SHISAL1: variants seen among roughly 807,000 people sequenced by gnomAD.
The protein encoded by SHISAL1 is shisa like 1, also known as protein shisa-like-1.
In SHISAL1, 9 loss-of-function variants were observed where a neutral mutation model predicts 22.6. The observed-to-expected ratio is 0.40, with a 90% confidence interval of 0.24 to 0.70. The LOEUF is 0.70. Among genes scored for constraint, SHISAL1 ranks in the 30% least tolerant of loss-of-function variants. SHISAL1 has a pLI of 0.39. For synonymous variants in SHISAL1, 119 were observed against 115.4 expected (o/e 1.03, Z -0.20); for missense variants, 246 against 270.6 (o/e 0.91, Z 0.64).
chr22:44,280,205 C>T (rs775641258), intron 4 of SHISAL1, among the ~76,000 whole-genome samples: 2 of 152,086 alleles, frequency 1.3e-5, no homozygotes, highest in African/African-American at 4.8e-5. Context: ...TGTGAATCTG[C>T]AAGGGATTTG....
chr22:44,315,220 T>G (rs2055550575), upstream of SHISAL1, among the ~76,000 whole-genome samples: 2 of 151,198 alleles, frequency 1.3e-5, no homozygotes, highest in Admixed American at 6.6e-5. Context: ...TGGCCTGGAG[T>G]CTGGAAAATA....
chr22:44,256,484 A>G (rs1226141636), intron 4 of SHISAL1, among the ~76,000 whole-genome samples: 1 of 152,118 alleles, frequency 6.6e-6, no homozygotes, highest in Non-Finnish European at 1.5e-5. Context: ...ACATTGACTA[A>G]TACACCATCC....
intron 4 of SHISAL1, among the ~76,000 whole-genome samples, chr22:44,263,174 G>A (rs1213988737): frequency 6.9e-6 from 1 of 145,334 alleles, no homozygotes; most frequent in African/African-American, 2.5e-5. Flanking sequence ...GGGTTCCAGC[G>A]ATTCTCCTGC....
intron 4 of SHISAL1, among the ~76,000 whole-genome samples, chr22:44,264,686 C>G (rs181855851): frequency 1.3e-5 from 2 of 152,192 alleles, no homozygotes; most frequent in African/African-American, 2.4e-5. Flanking sequence ...CAGCAGTTCA[C>G]AAGCTGTGTG....
At position 44,274,794 on chromosome 22, in the gene SHISAL1, G is replaced by A. The variant is rs144286813; in HGVS notation, c.599+10634C>T. Among the ~76,000 whole-genome samples, 12 of 152,290 alleles carry A rather than the reference G, an allele frequency of 7.9e-5. No individual in the cohort carries two copies. The East Asian group carries it at 1.4e-3, about 17-fold the overall frequency. On this transcript the variant is annotated intron_variant, in intron 4 of 4. Transcript: ENST00000381176. ...CCTATCTGTGTGTGAGCGGGATCCCGAGCGGCTTTTCTTTTCCTATTTTTT... is the reference window on the plus strand; with the variant it reads ...CCTATCTGTGTGTGAGCGGGATCCCAAGCGGCTTTTCTTTTCCTATTTTTT...
rs928563905 is a variant in SHISAL1, at chr22:44,310,204, G to A, written c.-33+2547C>T. ...AACCCAGCCCTGCTGAGACCATTTC[G>A]TTTTTGCTCATCTCTATGGGCAGCA... On this transcript the variant is annotated intron_variant, in intron 1 of 4. Coordinates refer to ENST00000381176, the MANE Select transcript of SHISAL1 (RefSeq NM_001099294.2). The surrounding 1 kb of genome is among the most constrained non-coding windows in gnomAD (Gnocchi z 4.0). Among the ~76,000 whole-genome samples, 5 of 152,304 alleles carry A rather than the reference G, an allele frequency of 3.3e-5. No homozygotes were observed. The highest frequency in any genetic ancestry group is 7.2e-5 in the African/African-American group (3 of 41,560).
At chr22:44,303,661 C>A (rs764512988) in intron 1 of SHISAL1, among the ~76,000 whole-genome samples, 3 of 152,184 alleles carry the variant, frequency 2.0e-5, no homozygotes, top group Non-Finnish European at 4.4e-5. Context: ...GTTTGAGGAG[C>A]TTTGCTAGGC....
At chr22:44,305,329 G>A (rs1330263019) in intron 1 of SHISAL1, among the ~76,000 whole-genome samples, 3 of 152,202 alleles carry the variant, frequency 2.0e-5, no homozygotes, top group African/African-American at 7.2e-5. Flanking sequence ...ACAGGCAAGG[G>A]TGCCCAGCAG....
At chr22:44,325,250 A>AG in the SHISAL1 span, among the ~76,000 whole-genome samples, 1 of 151,526 alleles carries the variant, frequency 6.6e-6, no homozygotes, top group East Asian at 1.9e-4. Context: ...CTCAAAAGAA[A>AG]AAAAAAAAAA....
At chr22:44,284,362 A>G (rs1448098672) in intron 4 of SHISAL1, among the ~76,000 whole-genome samples, 3 of 151,894 alleles carry the variant, frequency 2.0e-5, no homozygotes, top group Non-Finnish European at 1.5e-5. Context: ...GAGGGGTGAA[A>G]TCTCATGCCC....
rs1213481761 is a variant in SHISAL1, at chr22:44,269,472, GCGCACACACA to G, written c.599+15946_599+15955del. On this transcript the variant is annotated intron_variant, in intron 4 of 4. Coordinates refer to ENST00000381176, the MANE Select transcript of SHISAL1 (RefSeq NM_001099294.2). ...CATGCCACACAGACGCCCACAACAC[GCGCACACACA>G]CACACACACACTCCATGCCACACCA... is the stretch of plus-strand genomic sequence containing the variant. Among the ~76,000 whole-genome samples, 20 of 136,176 alleles carry G rather than the reference GCGCACACACA, an allele frequency of 1.5e-4. 1 individual carries two copies. The South Asian group carries it at 2.2e-3, about 15-fold the overall frequency. The allele number at this position is 136,176 out of a possible 152,430, so 89.3% of individuals were successfully genotyped here. A position where few individuals can be genotyped will look rare whatever the true frequency, so the allele number is the denominator to read the frequency against.
chr22:44,296,556 C>A (rs565815071), intron 3 of SHISAL1, 116 bp downstream of exon 3: 41 of 826,284 alleles, frequency 5.0e-5, no homozygotes, highest in Non-Finnish European at 7.3e-5. Context: ...TCCTTCCAGG[C>A]CCACCCAACC....
intron 3 of SHISAL1, among the ~76,000 whole-genome samples, chr22:44,288,256 G>C (rs768471451): frequency 6.0e-4 from 92 of 152,324 alleles, no homozygotes; most frequent in Middle Eastern, 3.4e-3. Context: ...AGCAGAATTT[G>C]AACTCAGCAG....
rs2054990601 is a variant in SHISAL1, at chr22:44,245,349, CTG to C, written c.*4334_*4335del. The C allele has an allele frequency of 6.6e-6, 1 of 151,732 alleles. No homozygotes were observed. The highest frequency in any genetic ancestry group is 2.4e-5 in the African/African-American group (1 of 40,864). The allele number at this position is 151,732 out of a possible 1,614,324, so 9.4% of individuals were successfully genotyped here. On this transcript the variant is annotated 3_prime_UTR_variant, in exon 5 of 5. Coordinates refer to ENST00000381176, the MANE Select transcript of SHISAL1 (RefSeq NM_001099294.2). ...CTACCTACCTAGACAGAGTCTCACTCTGTTGCCCAGGCTGGAGTGCACTGGTG... is the reference window on the plus strand; with the variant it reads ...CTACCTACCTAGACAGAGTCTCACTCTTGCCCAGGCTGGAGTGCACTGGTG...
intron 1 of SHISAL1, among the ~76,000 whole-genome samples, 186 bp downstream of exon 1, chr22:44,312,565 C>T (rs1490535625): frequency 6.6e-6 from 1 of 152,192 alleles, no homozygotes; most frequent in African/African-American, 2.4e-5. Context: ...CCCATCTTGC[C>T]CCACTGGCAT....
intron 4 of SHISAL1, among the ~76,000 whole-genome samples, chr22:44,271,341 C>T (rs2055204504): frequency 6.6e-6 from 1 of 152,186 alleles, no homozygotes; most frequent in Admixed American, 6.5e-5. Flanking sequence ...GTGACAGGCT[C>T]AGTCCCAGAG....
chr22:44,259,046 C>T (rs540370183), intron 4 of SHISAL1, among the ~76,000 whole-genome samples: 4 of 152,264 alleles, frequency 2.6e-5, no homozygotes, highest in Middle Eastern at 6.8e-3. Context: ...AGGCTGAAAA[C>T]CTGAGAACAT....
the SHISAL1 span, among the ~76,000 whole-genome samples, chr22:44,322,772 C>T: frequency 6.6e-6 from 1 of 152,306 alleles, no homozygotes; most frequent in Admixed American, 6.5e-5. Context: ...AAGATTCATG[C>T]AGCAAAGAGA....
At chr22:44,289,324 A>C (rs1304991564) in intron 3 of SHISAL1, among the ~76,000 whole-genome samples, 1 of 152,170 alleles carries the variant, frequency 6.6e-6, no homozygotes, top group African/African-American at 2.4e-5. Flanking sequence ...TCCATGGTTT[A>C]ATCTAGGATA....
Sources: allele counts gnomAD v4.1 joint callset (sites outside exome capture counted in the v4.1 genomes callset), GRCh38; gene constraint gnomAD v4.1.1; non-coding constraint Gnocchi (gnomAD v3.1); transcripts MANE v1.5; gene names NCBI Gene and HGNC (gene_info 2026-07-23, HGNC 2026-07-21).